RASA3: variants seen among roughly 807,000 people sequenced by gnomAD.
The protein encoded by RASA3 is RAS p21 protein activator 3.
A neutral mutation model predicts 110.0 loss-of-function variants in RASA3; 73 were observed. The observed-to-expected ratio is 0.66, with a 90% CI of 0.55 to 0.81. RASA3 has a LOEUF of 0.81. Ranked by LOEUF, RASA3 falls within the 30% of genes least tolerant of loss-of-function variation. The probability of loss-of-function intolerance (pLI) is 0.00; values close to 1 mark genes in which losing one functional copy is unlikely to be tolerated. For missense variants in RASA3, 976 were observed against 1,113.2 expected (o/e 0.88, Z 1.75); for synonymous variants, 500 against 451.4 (o/e 1.11, Z -1.37).
chr13:114,036,657 C>T (rs1231310270), intron 4 of RASA3, among the ~76,000 whole-genome samples: 5 of 152,236 alleles, frequency 3.3e-5, no homozygotes, highest in Non-Finnish European at 7.3e-5. Context: ...CCTGCCTCAA[C>T]CTCCGGAGTA....
In RASA3 at chr13:114,043,841, C is replaced by T. The variant is rs1433781674; in HGVS notation, c.278-2747G>A. ...CTGGCCCACCTCACTCGCTGAGCCC[C>T]CCGCCCCGCCTCACTCGCTGAGCCC... is the stretch of plus-strand genomic sequence containing the variant. On this transcript the variant is annotated intron_variant, in intron 3 of 23. Transcript: ENST00000334062. Among the ~76,000 whole-genome samples the T allele has an allele frequency of 1.1e-3, 76 of 67,330 alleles. 4 individuals carry two copies. The highest frequency in any genetic ancestry group is 5.3e-3 in the African/African-American group (72 of 13,468). 44.2% of individuals were successfully genotyped at this position (67,330 alleles called of 152,430 possible). A position where few individuals can be genotyped will look rare whatever the true frequency, so the allele number is the denominator to read the frequency against.
intron 3 of RASA3, among the ~76,000 whole-genome samples, chr13:114,042,994 T>C (rs1404609617): frequency 1.3e-5 from 2 of 152,106 alleles, no homozygotes; most frequent in African/African-American, 4.8e-5. Context: ...CCCTGCGAGG[T>C]CCCAGGACGC....
At chr13:114,035,215 TTAATAAACC>T (rs2054257177) in intron 4 of RASA3, among the ~76,000 whole-genome samples, 1 of 152,142 alleles carries the variant, frequency 6.6e-6, no homozygotes, top group African/African-American at 2.4e-5. Flanking sequence ...ATCAATAAAA[TTAATAAACC>T]TCAAACCAGG....
chr13:114,063,568 G>C (rs972818513), intron 2 of RASA3, among the ~76,000 whole-genome samples: 2 of 152,172 alleles, frequency 1.3e-5, no homozygotes, highest in Non-Finnish European at 2.9e-5. Flanking sequence ...CAGGCCATGG[G>C]CCACTTTCCA....
intron 9 of RASA3, among the ~76,000 whole-genome samples, chr13:114,019,336 G>C (rs1157368395): frequency 6.6e-6 from 1 of 152,258 alleles, no homozygotes; most frequent in Non-Finnish European, 1.5e-5. Flanking sequence ...GGGCTAGTGA[G>C]CCTGGCAGGC....
chr13:114,015,360 A>G (rs775343358), intron 13 of RASA3, 28 bp from the exon 14 acceptor site: 6 of 1,609,902 alleles, frequency 3.7e-6, no homozygotes, highest in Non-Finnish European at 5.1e-6. Context: ...ACTGGGACCC[A>G]CTCCCGAGGC....
chr13:114,106,832 G>T (rs1057101916), intron 1 of RASA3, among the ~76,000 whole-genome samples: 6 of 152,184 alleles, frequency 3.9e-5, no homozygotes, highest in Non-Finnish European at 8.8e-5. Flanking sequence ...TATATGCTGC[G>T]TCCCATTTAG....
intron 21 of RASA3, among the ~76,000 whole-genome samples, chr13:113,992,828 T>C (rs1481620482): frequency 6.6e-6 from 1 of 152,202 alleles, no homozygotes; most frequent in African/African-American, 2.4e-5. Context: ...CGGAACTAAC[T>C]AGCAACCTCT....
rs570451408 is a variant in RASA3, at chr13:114,124,925, CA to C, written c.55+7509del. Among the ~76,000 whole-genome samples, 71 of 152,322 alleles carry C rather than the reference CA, an allele frequency of 4.7e-4. No individual in the cohort carries two copies. In the East Asian group the frequency reaches 0.013, roughly 28 times the overall value. ...TAGTTGCACATTGATGCATAATAGACATATACTTGCTGCTACGGAAGGCCTT... is the reference window on the plus strand; with the variant it reads ...TAGTTGCACATTGATGCATAATAGACTATACTTGCTGCTACGGAAGGCCTT... On this transcript the variant is annotated intron_variant, in intron 1 of 23. Coordinates refer to ENST00000334062, the MANE Select transcript of RASA3 (RefSeq NM_007368.4).
chr13:114,025,199 G>A (rs1050817332), intron 7 of RASA3, among the ~76,000 whole-genome samples: 1 of 152,136 alleles, frequency 6.6e-6, no homozygotes, highest in Admixed American at 6.5e-5. Context: ...TGTAAGGCTT[G>A]ACACCAAAAT....
intron 1 of RASA3, among the ~76,000 whole-genome samples, chr13:114,100,175 G>T (rs2080037135): frequency 6.6e-6 from 1 of 151,616 alleles, no homozygotes; most frequent in Non-Finnish European, 1.5e-5. Context: ...AAATGGAGGA[G>T]CTCGCAGGAG....
At chr13:114,100,087 G>A (rs890509856) in intron 1 of RASA3, among the ~76,000 whole-genome samples, 1 of 151,098 alleles carries the variant, frequency 6.6e-6, no homozygotes, top group African/African-American at 2.4e-5. Context: ...CGGCAGGCCA[G>A]GGTGGAGAGA....
intron 1 of RASA3, among the ~76,000 whole-genome samples, chr13:114,090,513 A>C (rs1259089760): frequency 6.6e-6 from 1 of 152,188 alleles, no homozygotes; most frequent in African/African-American, 2.4e-5. Flanking sequence ...GGTCCACAAC[A>C]CATCACTTTG....
At chr13:114,038,824 C>A (rs1313980154) in intron 4 of RASA3, among the ~76,000 whole-genome samples, 1 of 152,220 alleles carries the variant, frequency 6.6e-6, no homozygotes. Context: ...ATCCAGTCCC[C>A]CAGCCCAAAT....
At position 114,114,584 on chromosome 13, in the gene RASA3, C is replaced by G. The variant is rs1465494773; in HGVS notation, c.55+17851G>C. ...ACCTTTACTTAAATAACAGCATATT[C>G]TCGTCTGGTCTTTAAACCACACAGG... is the stretch of plus-strand genomic sequence containing the variant. On this transcript the variant is annotated intron_variant, in intron 1 of 23. Coordinates refer to ENST00000334062, the MANE Select transcript of RASA3 (RefSeq NM_007368.4). This position sits in a 1 kb window ranked among gnomAD's most constrained non-coding sequence, Gnocchi z 4.8. Among the ~76,000 whole-genome samples the G allele has an allele frequency of 1.3e-5, 2 of 151,582 alleles. No homozygotes were observed.
intron 10 of RASA3, 61 bp from the exon 11 acceptor site, chr13:114,018,313 C>A (rs41291221): frequency 7.3e-6 from 11 of 1,497,600 alleles, no homozygotes; most frequent in Non-Finnish European, 9.8e-6. Flanking sequence ...GAGGCCTGTC[C>A]CCACCTTGGC....
chr13:114,061,709 A>C (rs1239528916), intron 2 of RASA3, among the ~76,000 whole-genome samples: 1 of 151,988 alleles, frequency 6.6e-6, no homozygotes, highest in Non-Finnish European at 1.5e-5. Flanking sequence ...GAAAGAAAGA[A>C]ATACGAGCTT....
chr13:114,026,337 T>A (rs1054111210), intron 7 of RASA3, among the ~76,000 whole-genome samples: 5 of 152,002 alleles, frequency 3.3e-5, no homozygotes, highest in African/African-American at 1.2e-4. Flanking sequence ...GGGCCCACCC[T>A]CCCCCTGGGA....
Position 114,039,497 on chromosome 13 carries a change from C to G in RASA3, c.372+1503G>C, listed in dbSNP as rs188926250. Among the ~76,000 whole-genome samples the G allele has an allele frequency of 2.0e-5, 3 of 151,604 alleles. No homozygotes were observed. In the East Asian group the frequency reaches 5.8e-4, roughly 29 times the overall value. The stretch of plus-strand genomic sequence containing the variant: ...GTCCGGTGTCCCAGGGACCCTGTGC[C>G]GCAACCCTACACTCAGACACTTACT... On this transcript the variant is annotated intron_variant, in intron 4 of 23. Coordinates refer to ENST00000334062, the MANE Select transcript of RASA3 (RefSeq NM_007368.4).
Sources: gnomAD v4.1 joint callset for allele counts (sites outside exome capture counted in the v4.1 genomes callset) on GRCh38, gnomAD v4.1.1 for gene constraint, Gnocchi (gnomAD v3.1) non-coding constraint, MANE v1.5 for transcripts, NCBI Gene and HGNC (gene_info 2026-07-23, HGNC 2026-07-21) for gene names.